Variants in LGALS12 observed in about 807,000 individuals in gnomAD.
LGALS12 encodes the protein galectin-12.
In LGALS12, 36 loss-of-function variants were observed where a neutral mutation model predicts 36.8. That is an observed-to-expected ratio of 0.98 (90% confidence interval 0.75 to 1.29). LGALS12 has a LOEUF of 1.29. LGALS12 is among the 50% of genes most tolerant of loss of function. The pLI is 0.00. For missense variants in LGALS12, 366 were observed against 394.3 expected (o/e 0.93, Z 0.61); for synonymous variants, 145 against 155.9 (o/e 0.93, Z 0.52).
At position 63,506,474 on chromosome 11, in the gene LGALS12, A is replaced by T; in HGVS notation, c.16A>T (p.Lys6Ter). The T allele has an allele frequency of 1.2e-6, 2 of 1,614,186 alleles. No homozygotes were observed. Among genetic ancestry groups the T allele is most frequent in the Non-Finnish European group, 1.7e-6 (2 of 1,180,040 alleles). The change falls in exon 1 of 9, where the codon AAA (lysine) becomes TAA (stop). Residue 6 changes from lysine to a stop codon, truncating the protein, a stop_gained. Coordinates refer to ENST00000394618, the MANE Select transcript of LGALS12 (RefSeq NM_033101.4). LOFTEE classifies it high-confidence loss of function. MSPGE[K>*]LDPIPDSFIL... is the part of the protein sequence containing the mutation. ...CCCCACTGTCATGTCACCTGGAGAAAAACTGGACCCAATTCCTGACAGCTT... is the reference window on the plus strand; with the variant it reads ...CCCCACTGTCATGTCACCTGGAGAATAACTGGACCCAATTCCTGACAGCTT...
rs114695284 is a variant in LGALS12 at position 63,506,599 on chromosome 11, G to C, written c.69+72G>C. On this transcript the variant is annotated intron_variant, in intron 1 of 8. Coordinates refer to ENST00000394618, the MANE Select transcript of LGALS12 (RefSeq NM_033101.4). ...CCCTTCCAACTGGGCCCACACTCCTGGGTGGTGGGGTGGAAAGGACCTCAG... is the reference window on the plus strand; with the variant it reads ...CCCTTCCAACTGGGCCCACACTCCTCGGTGGTGGGGTGGAAAGGACCTCAG... The C allele has an allele frequency of 1.9e-3, 2,960 of 1,587,546 alleles. 49 individuals are homozygous for C. The African/African-American group carries it at 0.035, about 19-fold the overall frequency.
rs891076545 is a variant in LGALS12 at position 63,509,897 on chromosome 11, T to A, written c.492T>A (p.Asn164Lys). 2.5e-6 allele frequency: 4 copies of A among 1,613,782 alleles called. No homozygotes were observed. The highest frequency in any genetic ancestry group is 3.4e-6 in the Non-Finnish European group (4 of 1,179,852). The change falls in exon 4 of 9, where the codon AAT (asparagine) becomes AAA (lysine). Residue 164 changes from asparagine (N) to lysine (K), a missense_variant and splice_region_variant. Asn to Lys is a moderately conservative substitution (Grantham distance 94, BLOSUM62 0). Transcript: ENST00000394618. The part of the protein sequence containing the change: ...LVEAVGFLNI[N>K]PFVEGSREYP... ...AGGCTGTTGGATTCCTGAACATCAATGTAAGTTTCCTTGGGACCAAGGCCT... is the reference window on the plus strand; with the variant it reads ...AGGCTGTTGGATTCCTGAACATCAAAGTAAGTTTCCTTGGGACCAAGGCCT...
intron 1 of LGALS12, among the ~76,000 whole-genome samples, chr11:63,507,272 G>A (rs1050346886): frequency 1.3e-5 from 2 of 152,110 alleles, no homozygotes; most frequent in African/African-American, 2.4e-5. Flanking sequence ...CTGAGAGCTC[G>A]CACCTGGAGG....
chr11:63,506,291 C>G lies in LGALS12; in HGVS notation c.-168C>G. 7.4e-7 allele frequency: 1 copy of G among 1,348,522 alleles called. No homozygotes were observed. Among genetic ancestry groups the G allele is most frequent in the Non-Finnish European group, 1.0e-6 (1 of 1,003,498 alleles). 83.5% of individuals were successfully genotyped at this position (1,348,522 alleles called of 1,614,324 possible). ...GTGGAGCCTGGAGGTCGCCCGCTGCCCTCCTAGGGCTGCTCCAGACAGCAT... is the reference window on the plus strand; with the variant it reads ...GTGGAGCCTGGAGGTCGCCCGCTGCGCTCCTAGGGCTGCTCCAGACAGCAT... On this transcript the variant is annotated 5_prime_UTR_variant, in exon 1 of 9. Coordinates refer to ENST00000394618, the MANE Select transcript of LGALS12 (RefSeq NM_033101.4).
Position 63,511,067 on chromosome 11 carries a change from T to C in LGALS12, c.532-12T>C. The C allele has an allele frequency of 1.9e-6, 3 of 1,613,600 alleles. No homozygotes were observed. The highest frequency in any genetic ancestry group is 2.2e-5 in the East Asian group (1 of 44,884). ...CACATGGCCTTGTGTCCTCTCTTTCTTTCCCTGACAGCCTTTCCTGCTGAT... is the reference window on the plus strand; with the variant it reads ...CACATGGCCTTGTGTCCTCTCTTTCCTTCCCTGACAGCCTTTCCTGCTGAT... On this transcript the variant is annotated splice_polypyrimidine_tract_variant and intron_variant, in intron 5 of 8. Coordinates refer to ENST00000394618, the MANE Select transcript of LGALS12 (RefSeq NM_033101.4).
At position 63,508,612 on chromosome 11, in the gene LGALS12, G is replaced by A; in HGVS notation, c.129G>A (p.Leu43=). Residue 43 remains leucine (L), a synonymous_variant, in exon 2 of 9, where the codon CTG becomes CTA. Coordinates refer to ENST00000394618, the MANE Select transcript of LGALS12 (RefSeq NM_033101.4). ...TGCATGCAGGCAAGATGGTCATGCTGCAAGGAGTGGTCCCTCTAGATGCAC... is the reference window on the plus strand; with the variant it reads ...TGCATGCAGGCAAGATGGTCATGCTACAAGGAGTGGTCCCTCTAGATGCAC... The part of the protein sequence containing the change: ...GGLHAGKMVM[L]QGVVPLDAHR... The A allele has an allele frequency of 2.5e-6, 4 of 1,614,168 alleles. No homozygotes were observed. Among genetic ancestry groups the A allele is most frequent in the Non-Finnish European group, 2.5e-6 (3 of 1,180,026 alleles).
At position 63,506,283 on chromosome 11, in the gene LGALS12, C is replaced by T. The variant is rs370595788; in HGVS notation, c.-176C>T. On this transcript the variant is annotated 5_prime_UTR_variant, in exon 1 of 9. Coordinates refer to ENST00000394618, the MANE Select transcript of LGALS12 (RefSeq NM_033101.4). The stretch of plus-strand genomic sequence containing the variant: ...GGGCTGGTGTGGAGCCTGGAGGTCG[C>T]CCGCTGCCCTCCTAGGGCTGCTCCA... The T allele has an allele frequency of 9.4e-5, 123 of 1,311,938 alleles. No homozygotes were observed. The highest frequency in any genetic ancestry group is 5.6e-4 in the African/African-American group (38 of 68,436). 81.3% of individuals were successfully genotyped at this position (1,311,938 alleles called of 1,614,324 possible). A position where few individuals can be genotyped will look rare whatever the true frequency, so the allele number is the denominator to read the frequency against.
Position 63,508,973 on chromosome 11 carries a change from C to T in LGALS12, c.354C>T (p.Phe118=), listed in dbSNP as rs1421902869. The change falls in exon 3 of 9, where the codon TTC becomes TTT. Residue 118 remains phenylalanine, a synonymous_variant. Transcript: ENST00000394618. The part of the protein sequence containing the change: ...RGSSFLILFL[F]GNEEVKVSVN... Reference sequence around the variant, plus strand: ...CCAGCTTCCTCATCCTCTTTCTCTTCGGGAATGAGGAAGTGAAGGTGAAGG... The same window carrying T: ...CCAGCTTCCTCATCCTCTTTCTCTTTGGGAATGAGGAAGTGAAGGTGAAGG... 7.4e-6 allele frequency: 12 copies of T among 1,613,718 alleles called. No individual in the cohort carries two copies. Among genetic ancestry groups the T allele is most frequent in the Admixed American group, 1.7e-5 (1 of 60,032 alleles).
In LGALS12 at chr11:63,506,367, G is replaced by A; in HGVS notation, c.-92G>A. 6.2e-7 allele frequency: 1 copy of A among 1,613,966 alleles called. No homozygotes were observed. Among genetic ancestry groups the A allele is most frequent in the Non-Finnish European group, 8.5e-7 (1 of 1,179,912 alleles). On this transcript the variant is annotated 5_prime_UTR_variant, in exon 1 of 9. Coordinates refer to ENST00000394618, the MANE Select transcript of LGALS12 (RefSeq NM_033101.4). ...ACTAACAGCTGGGAGAGCTGCTCCA[G>A]GCATTTAGGACCCTGACTGGGGCAG...
intron 1 of LGALS12, among the ~76,000 whole-genome samples, chr11:63,507,570 T>C (rs776617174): frequency 5.3e-5 from 8 of 151,854 alleles, no homozygotes; most frequent in Non-Finnish European, 1.2e-4. Context: ...ATGAGCAAAA[T>C]GCCCTGGGAG....
chr11:63,510,448 T>C lies in LGALS12; in HGVS notation c.493-15T>C. 6.2e-7 allele frequency: 1 copy of C among 1,614,030 alleles called. No individual in the cohort carries two copies. Among genetic ancestry groups the C allele is most frequent in the East Asian group, 2.2e-5 (1 of 44,880 alleles). ...GTCCTAAATGCTGCTGATTCTTTTC[T>C]CTCTTTCTGAACAGCCATTTGTGGA... On this transcript the variant is annotated splice_polypyrimidine_tract_variant and intron_variant, in intron 4 of 8. Transcript: ENST00000394618.
intron 4 of LGALS12, 30 bp downstream of exon 4, chr11:63,509,927 A>G: frequency 6.2e-7 from 1 of 1,606,984 alleles, no homozygotes; most frequent in Non-Finnish European, 8.5e-7. Flanking sequence ...AGGCCTGGGC[A>G]GTGGCAGCCT....
intron 7 of LGALS12, among the ~76,000 whole-genome samples, chr11:63,513,981 C>G (rs911229127): frequency 2.6e-5 from 4 of 152,204 alleles, no homozygotes; most frequent in Non-Finnish European, 5.9e-5. Flanking sequence ...GAGGAAGACA[C>G]AGTGTTGTCT....
At chr11:63,506,598 T>TG (rs2016750258) in intron 1 of LGALS12, 71 bp downstream of exon 1, 1 of 1,588,670 alleles carries the variant, frequency 6.3e-7, no homozygotes, top group Non-Finnish European at 8.6e-7. Flanking sequence ...CCCACACTCC[T>TG]GGGTGGTGGG....
chr11:63,508,393 G>T, intron 1 of LGALS12, 160 bp from the exon 2 acceptor site: 1 of 1,449,998 alleles, frequency 6.9e-7, no homozygotes, highest in Non-Finnish European at 9.0e-7. Context: ...TTAGGTGGAA[G>T]AAAATATTTC....
intron 5 of LGALS12, 55 bp from the exon 6 acceptor site, chr11:63,511,024 C>G (rs2016902034): frequency 1.3e-6 from 2 of 1,578,966 alleles, no homozygotes. Context: ...AAGAGTTTCC[C>G]TTTTCCTGAG....
At chr11:63,510,350 C>T (rs757245365) in intron 4 of LGALS12, 113 bp from the exon 5 acceptor site, 21 of 1,045,514 alleles carry the variant, frequency 2.0e-5, no homozygotes, top group Non-Finnish European at 3.0e-5. Context: ...ACTGACCAGC[C>T]GAATGGGAAC....
At position 63,506,430 on chromosome 11, in the gene LGALS12, G is replaced by A. The variant is rs779576730; in HGVS notation, c.-29G>A. 1.2e-6 allele frequency: 2 copies of A among 1,614,106 alleles called. No individual in the cohort carries two copies. The highest frequency in any genetic ancestry group is 3.3e-5 in the Admixed American group (2 of 60,008). ...AGTGGGGGCAGGGCTCCTGGAACGAGGATCTACAGTTGGAGTTGCCCCACT... is the reference window on the plus strand; with the variant it reads ...AGTGGGGGCAGGGCTCCTGGAACGAAGATCTACAGTTGGAGTTGCCCCACT... On this transcript the variant is annotated 5_prime_UTR_variant, in exon 1 of 9. Transcript: ENST00000394618.
Position 63,515,651 on chromosome 11 carries a change from C to G in LGALS12, c.736C>G (p.Arg246Gly), listed in dbSNP as rs768168328. ...FADRTLAWIS[R>G]WGQKKLISAP... The stretch of plus-strand genomic sequence containing the variant: ...AGACAGAACTCTGGCCTGGATCTCC[C>G]GCTGGGGGCAGAAGAAACTGATCTC... Residue 246 changes from arginine to glycine, a missense_variant, in exon 8 of 9, where the codon CGC becomes GGC. Physicochemically the swap from Arg to Gly is moderately radical, Grantham distance 125. Transcript: ENST00000394618. 3.1e-6 allele frequency: 5 copies of G among 1,614,108 alleles called. No homozygotes were observed. Among genetic ancestry groups the G allele is most frequent in the Admixed American group, 1.7e-5 (1 of 60,006 alleles).
Sources: allele counts gnomAD v4.1 joint callset (sites outside exome capture counted in the v4.1 genomes callset), GRCh38; gene constraint gnomAD v4.1.1; transcripts MANE v1.5; gene names NCBI Gene and HGNC (gene_info 2026-07-23, HGNC 2026-07-21).